The following GALNT16 variants were observed in gnomAD, a reference collection of about 807,000 sequenced individuals.
GALNT16 encodes the protein UDP-GalNAc:polypeptide N-acetylgalactosaminyltransferase-like protein 1.
Under a neutral mutation model 76.1 loss-of-function variants are expected in GALNT16, and 40 were observed. The ratio of observed to expected loss-of-function variants is 0.53; its 90% CI spans 0.41 to 0.68. The LOEUF (loss-of-function observed/expected upper bound fraction) is 0.68. Among genes scored for constraint, GALNT16 ranks in the 30% least tolerant of loss-of-function variants. The probability of loss-of-function intolerance (pLI) is 0.00; values close to 1 mark genes in which losing one functional copy is unlikely to be tolerated. For missense variants in GALNT16, 621 were observed against 731.9 expected (o/e 0.85, Z 1.75); for synonymous variants, 276 against 285.2 (o/e 0.97, Z 0.32).
intron 1 of GALNT16, among the ~76,000 whole-genome samples, chr14:69,281,056 G>T (rs908846788): frequency 3.6e-4 from 54 of 150,472 alleles, no homozygotes; most frequent in Non-Finnish European, 5.5e-4. Context: ...CAGCTGCTGT[G>T]CACCAACCCA....
intron 2 of GALNT16, among the ~76,000 whole-genome samples, chr14:69,322,415 C>T (rs1432717815): frequency 6.6e-6 from 1 of 152,242 alleles, no homozygotes; most frequent in African/African-American, 2.4e-5. Context: ...GAATTGAGGG[C>T]TTGCCCTGGA....
chr14:69,350,232 G>A (rs2045617053), intron 14 of GALNT16: 1 of 152,118 alleles, frequency 6.6e-6, no homozygotes, highest in African/African-American at 2.4e-5. Flanking sequence ...AATGTCACTG[G>A]GTGCCTACCT....
intron 1 of GALNT16, among the ~76,000 whole-genome samples, chr14:69,301,937 C>G (rs951887530): frequency 6.6e-6 from 1 of 152,086 alleles, no homozygotes; most frequent in Non-Finnish European, 1.5e-5. Flanking sequence ...TGCAGTGAGC[C>G]GAGATGGCGC....
the GALNT16 span, among the ~76,000 whole-genome samples, chr14:69,371,897 T>A: frequency 6.6e-6 from 1 of 151,910 alleles, no homozygotes; most frequent in African/African-American, 2.4e-5. Flanking sequence ...TGAGCCGAGA[T>A]CGTGCCACTG....
chr14:69,366,116 G>A, the GALNT16 span, among the ~76,000 whole-genome samples: 3 of 152,244 alleles, frequency 2.0e-5, no homozygotes, highest in Non-Finnish European at 4.4e-5. Flanking sequence ...GAGTCAGAAA[G>A]ATTGGGGAAG....
downstream of GALNT16, among the ~76,000 whole-genome samples, chr14:69,360,852 C>G (rs2140215096): frequency 6.6e-6 from 1 of 152,340 alleles, no homozygotes; most frequent in South Asian, 2.1e-4. Context: ...GAGATGGGTT[C>G]TGGTCCCCTG....
Position 69,329,698 on chromosome 14 carries a change from T to C in GALNT16, c.690+1127T>C, listed in dbSNP as rs1198513696. 2.0e-5 allele frequency among the ~76,000 whole-genome samples: 3 copies of C among 152,114 alleles called. No homozygotes were observed. The East Asian group carries it at 5.8e-4, about 29-fold the overall frequency. ...CATCTGCTTGGCTTCTGAGGAGGCC[T>C]CAGGGAGCTTTATTCATGGCAGAAA... On this transcript the variant is annotated intron_variant, in intron 6 of 14. Transcript: ENST00000448469.
chr14:69,265,436 G>A (rs1254562939), intron 1 of GALNT16, among the ~76,000 whole-genome samples: 1 of 152,214 alleles, frequency 6.6e-6, no homozygotes. Flanking sequence ...GCAGGCAGAG[G>A]AAACCCTTGG....
At chr14:69,286,428 G>A (rs1156765810) in intron 1 of GALNT16, among the ~76,000 whole-genome samples, 4 of 151,410 alleles carry the variant, frequency 2.6e-5, no homozygotes, top group South Asian at 2.1e-4. Flanking sequence ...CTCAGCCTCC[G>A]GAGTAGCTGG....
chr14:69,322,973 T>C lies in GALNT16; in HGVS notation c.336-1719T>C, dbSNP rs1329682732. Reference sequence around the variant, plus strand: ...GTGTGTGTGTGTGTGTGTGTGTGTGTGTGTGTGTGCGCGCGCACGCGCGCA... The same window carrying C: ...GTGTGTGTGTGTGTGTGTGTGTGTGCGTGTGTGTGCGCGCGCACGCGCGCA... On this transcript the variant is annotated intron_variant, in intron 2 of 14. Coordinates refer to ENST00000448469, the MANE Select transcript of GALNT16 (RefSeq NM_001168368.2). Among the ~76,000 whole-genome samples, 51 of 50,980 alleles carry C rather than the reference T, an allele frequency of 1.0e-3. 3 individuals are homozygous for C. The highest frequency in any genetic ancestry group is 7.9e-3 in the African/African-American group (43 of 5,462). 33.4% of individuals were successfully genotyped at this position (50,980 alleles called of 152,430 possible).
the GALNT16 span, among the ~76,000 whole-genome samples, chr14:69,373,594 T>C: frequency 6.6e-6 from 1 of 152,244 alleles, no homozygotes; most frequent in East Asian, 1.9e-4. Context: ...AAGGAGTTAC[T>C]ATTATCTTCA....
intron 1 of GALNT16, among the ~76,000 whole-genome samples, chr14:69,277,270 C>T (rs948568579): frequency 2.6e-5 from 4 of 152,180 alleles, no homozygotes; most frequent in Non-Finnish European, 4.4e-5. Context: ...ATGTGCACAA[C>T]GTGCAGGCTC....
At chr14:69,274,921 T>C (rs2044451988) in intron 1 of GALNT16, among the ~76,000 whole-genome samples, 1 of 152,172 alleles carries the variant, frequency 6.6e-6, no homozygotes, top group Admixed American at 6.5e-5. Flanking sequence ...AGAGCCAGGA[T>C]TCTACCAGGG....
the GALNT16 span, among the ~76,000 whole-genome samples, chr14:69,372,491 CTT>C: frequency 2.3e-4 from 24 of 103,744 alleles, no homozygotes; most frequent in Non-Finnish European, 3.4e-4. Context: ...GATCATTAGC[CTT>C]TTTTTTTTTT....
chr14:69,347,993 A>C lies in GALNT16; in HGVS notation c.1530A>C (p.Glu510Asp), dbSNP rs758132237. 6.2e-7 allele frequency: 1 copy of C among 1,614,102 alleles called. No individual in the cohort carries two copies. Among genetic ancestry groups the C allele is most frequent in the Admixed American group, 1.7e-5 (1 of 60,030 alleles). The change falls in exon 14 of 15, where the codon GAA (glutamate) becomes GAC (aspartate). Residue 510 changes from glutamate (E) to aspartate (D), a missense_variant. By Grantham distance (45) the Glu-to-Asp change is conservative (BLOSUM62 2). Coordinates refer to ENST00000448469, the MANE Select transcript of GALNT16 (RefSeq NM_001168368.2). ...TACTGCAGATGTGCAACCCTAGAGA[A>C]GGCAAGCAGGTGAGTCTCCTTGCCT... ...PVILQMCNPR[E>D]GKQKWRRKGS... is the part of the protein sequence containing the mutation.
intron 12 of GALNT16, among the ~76,000 whole-genome samples, chr14:69,343,650 T>C (rs1317588800): frequency 1.3e-5 from 2 of 152,252 alleles, no homozygotes; most frequent in Non-Finnish European, 2.9e-5. Context: ...GTCACTTCTT[T>C]ACACTGTGTC....
At chr14:69,294,391 G>C (rs1020309266) in intron 1 of GALNT16, among the ~76,000 whole-genome samples, 2 of 152,152 alleles carry the variant, frequency 1.3e-5, no homozygotes, top group African/African-American at 2.4e-5. Flanking sequence ...CAAAGTGCTG[G>C]GTTACAGGCA....
chr14:69,331,386 T>C (rs1233424691), intron 6 of GALNT16, 78 bp from the exon 7 acceptor site: 5 of 818,080 alleles, frequency 6.1e-6, no homozygotes, highest in Non-Finnish European at 1.1e-5. Context: ...CAGAGAGGCC[T>C]TCTCCCCAGA....
intron 1 of GALNT16, among the ~76,000 whole-genome samples, chr14:69,299,161 C>G (rs1461366784): frequency 6.6e-6 from 1 of 152,206 alleles, no homozygotes; most frequent in Non-Finnish European, 1.5e-5. Context: ...CATCTCTGTG[C>G]TCCTAGTAAA....
Sources: gnomAD v4.1 joint callset for allele counts (sites outside exome capture counted in the v4.1 genomes callset) on GRCh38, gnomAD v4.1.1 for gene constraint, MANE v1.5 for transcripts, NCBI Gene and HGNC (gene_info 2026-07-23, HGNC 2026-07-21) for gene names.